Variants in CEP135 observed in about 807,000 individuals in gnomAD.
CEP135 encodes the protein centrosomal protein 135, also known as centrosomal protein of 135 kDa.
A neutral mutation model predicts 157.3 loss-of-function variants in CEP135; 142 were observed. The observed-to-expected ratio is 0.90, with a 90% confidence interval of 0.79 to 1.04. The LOEUF (loss-of-function observed/expected upper bound fraction) is 1.04. Ranked by LOEUF, CEP135 falls within the 50% of genes least tolerant of loss-of-function variation. CEP135 has a pLI of 0.00. For synonymous variants in CEP135, 396 were observed against 439.8 expected (o/e 0.90, Z 1.25); for missense variants, 1,317 against 1,309.2 (o/e 1.01, Z -0.09).
chr4:55,970,107 A>G (rs1728981675), intron 9 of CEP135, among the ~76,000 whole-genome samples: 2 of 151,762 alleles, frequency 1.3e-5, no homozygotes, highest in African/African-American at 4.8e-5. Context: ...CCTGGACTCA[A>G]GTGATTCTCC....
intron 8 of CEP135, 114 bp downstream of exon 8, chr4:55,965,973 T>G: frequency 1.2e-6 from 1 of 839,014 alleles, no homozygotes; most frequent in East Asian, 2.7e-5. Context: ...TGTGTGTCTG[T>G]TTTTGTTTTT....
At chr4:55,998,303 A>G (rs1317240291) in intron 15 of CEP135, among the ~76,000 whole-genome samples, 2 of 152,080 alleles carry the variant, frequency 1.3e-5, no homozygotes, top group African/African-American at 4.8e-5. Context: ...GGTCAGGGCT[A>G]AAAGTGTTCT....
At position 55,965,710 on chromosome 4, in the gene CEP135, G is replaced by A; in HGVS notation, c.895G>A (p.Glu299Lys). The change falls in exon 8 of 26, where the codon GAA (glutamate) becomes AAA (lysine). Residue 299 changes from glutamate to lysine, a missense_variant. Physicochemically the swap from Glu to Lys is moderately conservative, Grantham distance 56 (BLOSUM62 1). Transcript: ENST00000257287. Reference sequence around the variant, plus strand: ...TATACGAGAGCTTATGGAAACCAAGGAAACAGTGACATCTGAAGTCGTTAA... The same window carrying A: ...TATACGAGAGCTTATGGAAACCAAGAAAACAGTGACATCTGAAGTCGTTAA... Reference protein sequence around the residue: ...KRIRELMETKETVTSEVVNLS... With the variant: ...KRIRELMETKKTVTSEVVNLS... 6.2e-7 allele frequency: 1 copy of A among 1,613,886 alleles called. No homozygotes were observed. The highest frequency in any genetic ancestry group is 8.5e-7 in the Non-Finnish European group (1 of 1,179,906).
At chr4:56,014,452 T>C (rs1007572677) in intron 21 of CEP135, among the ~76,000 whole-genome samples, 1 of 152,184 alleles carries the variant, frequency 6.6e-6, no homozygotes, top group African/African-American at 2.4e-5. Flanking sequence ...AATACATATG[T>C]TGTCATGGAT....
chr4:56,013,134 A>G lies in CEP135; in HGVS notation c.2802+1149A>G, dbSNP rs370009486. ...TCGTGGTTCTGATTTGCATTTCCTT[A>G]ATGGTTAGTGATGTTGAGCATCTTT... On this transcript the variant is annotated intron_variant, in intron 21 of 25. Transcript: ENST00000257287. Among the ~76,000 whole-genome samples, 5 of 152,044 alleles carry G rather than the reference A, an allele frequency of 3.3e-5. No homozygotes were observed. The East Asian group carries it at 7.7e-4, about 23-fold the overall frequency.
chr4:56,011,067 C>G (rs1173175375), intron 19 of CEP135, among the ~76,000 whole-genome samples: 10 of 151,478 alleles, frequency 6.6e-5, no homozygotes, highest in African/African-American at 2.4e-4. Context: ...GACCTCATCT[C>G]AGAAAATTAA....
Position 55,980,859 on chromosome 4 carries a change from G to A in CEP135, c.1627-368G>A, listed in dbSNP as rs74790103. On this transcript the variant is annotated intron_variant, in intron 12 of 25. Coordinates refer to ENST00000257287, the MANE Select transcript of CEP135 (RefSeq NM_025009.5). ...TTTGAGAAGGGGAAGAGGCATGCAA[G>A]TTAAAGGTCACGTTGAAAGAGTCAC... 8.5e-5 allele frequency among the ~76,000 whole-genome samples: 13 copies of A among 152,300 alleles called. No individual in the cohort carries two copies. The East Asian group carries it at 2.5e-3, about 29-fold the overall frequency.
At chr4:56,031,336 A>G (rs1233908031) in intron 25 of CEP135, 24 bp from the exon 26 acceptor site, 1 of 152,380 alleles carries the variant, frequency 6.6e-6, no homozygotes, top group East Asian at 1.9e-4. Context: ...CTCTTAACCC[A>G]CCTTTCAATT....
At chr4:55,991,700 T>C (rs1362132051) in intron 14 of CEP135, among the ~76,000 whole-genome samples, 2 of 152,224 alleles carry the variant, frequency 1.3e-5, no homozygotes, top group African/African-American at 4.8e-5. Flanking sequence ...AGATATATTC[T>C]TTTCTCTTCG....
rs746758834 is a variant in CEP135 at position 55,953,086 on chromosome 4, G to T, written c.115G>T (p.Asp39Tyr). ...CLPLVEKLFS[D>Y]LVHTTESLRQ... ...TATTTAAATTTTCTGTTCTTTTAGC[G>T]ACTTAGTTCATACAACTGAGAGCCT... Residue 39 changes from aspartate to tyrosine, a missense_variant and splice_region_variant, in exon 3 of 26, where the codon GAC becomes TAC. By Grantham distance (160) the Asp-to-Tyr change is radical (BLOSUM62 -3). Transcript: ENST00000257287. 1.0e-5 allele frequency: 16 copies of T among 1,553,378 alleles called. No individual in the cohort carries two copies. The highest frequency in any genetic ancestry group is 1.4e-5 in the African/African-American group (1 of 71,440).
rs948038192 is a variant in CEP135, at chr4:56,031,668, A to G, written c.*320A>G. 3.3e-4 allele frequency: 50 copies of G among 152,156 alleles called. No homozygotes were observed. The highest frequency in any genetic ancestry group is 1.2e-3 in the African/African-American group (48 of 41,452). The allele number at this position is 152,156 out of a possible 1,614,324, so 9.4% of individuals were successfully genotyped here. On this transcript the variant is annotated 3_prime_UTR_variant, in exon 26 of 26. Coordinates refer to ENST00000257287, the MANE Select transcript of CEP135 (RefSeq NM_025009.5). ...TGAATTAATATAATGTATTCACATTATTCTTTAATAATCTGTTTATTAATA... is the reference window on the plus strand; with the variant it reads ...TGAATTAATATAATGTATTCACATTGTTCTTTAATAATCTGTTTATTAATA...
intron 25 of CEP135, among the ~76,000 whole-genome samples, chr4:56,025,663 T>C (rs1393063074): frequency 6.6e-6 from 1 of 152,128 alleles, no homozygotes; most frequent in African/African-American, 2.4e-5. Context: ...TTCTGGTAGA[T>C]TAATTTCACA....
At chr4:56,004,615 A>G (rs576935689) in intron 17 of CEP135, among the ~76,000 whole-genome samples, 16 of 152,266 alleles carry the variant, frequency 1.1e-4, no homozygotes, top group African/African-American at 3.6e-4. Context: ...ATGTATAATT[A>G]TTATACTCTC....
chr4:55,973,936 C>T (rs1729108299), intron 10 of CEP135, among the ~76,000 whole-genome samples: 1 of 152,196 alleles, frequency 6.6e-6, no homozygotes, highest in African/African-American at 2.4e-5. Flanking sequence ...GTTGCCCATT[C>T]TTTCCCACTC....
intron 11 of CEP135, among the ~76,000 whole-genome samples, chr4:55,975,808 A>C (rs1729191715): frequency 6.6e-6 from 1 of 152,112 alleles, no homozygotes; most frequent in Non-Finnish European, 1.5e-5. Context: ...GACTTGGCCG[A>C]ATTTACTAAT....
intron 1 of CEP135, among the ~76,000 whole-genome samples, chr4:55,950,324 G>T (rs1365115058): frequency 6.6e-6 from 1 of 152,104 alleles, no homozygotes; most frequent in Non-Finnish European, 1.5e-5. Flanking sequence ...TCCCTCACAG[G>T]GTAGCTGTGA....
intron 1 of CEP135, among the ~76,000 whole-genome samples, chr4:55,951,330 A>G (rs918550513): frequency 6.6e-6 from 1 of 152,210 alleles, no homozygotes; most frequent in Non-Finnish European, 1.5e-5. Context: ...GACTTTTTCC[A>G]AAGTGATTTT....
Position 55,955,737 on chromosome 4 carries a change from G to A in CEP135, c.472+1354G>A, listed in dbSNP as rs1396098063. On this transcript the variant is annotated intron_variant, in intron 4 of 25. Coordinates refer to ENST00000257287, the MANE Select transcript of CEP135 (RefSeq NM_025009.5). ...TCTCTTTCGAGTGAATGAGTTAGGTGGAGGGTGATACTATTTCTTAAGTTA... is the reference window on the plus strand; with the variant it reads ...TCTCTTTCGAGTGAATGAGTTAGGTAGAGGGTGATACTATTTCTTAAGTTA... Among the ~76,000 whole-genome samples, 6 of 152,176 alleles carry A rather than the reference G, an allele frequency of 3.9e-5. No individual in the cohort carries two copies. The East Asian group carries it at 1.2e-3, about 29-fold the overall frequency.
intron 23 of CEP135, among the ~76,000 whole-genome samples, chr4:56,019,917 C>A (rs544877574): frequency 6.6e-6 from 1 of 152,158 alleles, no homozygotes; most frequent in East Asian, 1.9e-4. Context: ...CCATCCTGGG[C>A]GACAGAGCGA....
Sources: gnomAD v4.1 joint callset for allele counts (sites outside exome capture counted in the v4.1 genomes callset) on GRCh38, gnomAD v4.1.1 for gene constraint, MANE v1.5 for transcripts, NCBI Gene and HGNC (gene_info 2026-07-23, HGNC 2026-07-21) for gene names.